KIF26B: variants seen among roughly 807,000 people sequenced by gnomAD.
KIF26B encodes the protein kinesin family member 26B.
A neutral mutation model predicts 151.2 loss-of-function variants in KIF26B; 63 were observed. The ratio of observed to expected loss-of-function variants is 0.42; its 90% CI spans 0.34 to 0.51. The LOEUF is 0.51. Among genes scored for constraint, KIF26B ranks in the 20% least tolerant of loss-of-function variants. The pLI is 0.07. For missense variants in KIF26B, 2,813 were observed against 2,913.6 expected, an observed-to-expected ratio of 0.97 and a Z score of 0.79; for synonymous variants, 1,357 against 1,262.1, an observed-to-expected ratio of 1.08 and a Z score of -1.59.
chr1:245,223,674 A>G (rs961801616), intron 2 of KIF26B, among the ~76,000 whole-genome samples: 1 of 152,238 alleles, frequency 6.6e-6, no homozygotes, highest in African/African-American at 2.4e-5. Flanking sequence ...TCCATAGCAC[A>G]GCAGTTCTGC....
chr1:245,282,251 G>GT (rs747826733), intron 2 of KIF26B, among the ~76,000 whole-genome samples: 89 of 152,144 alleles, frequency 5.8e-4, no homozygotes, highest in Non-Finnish European at 2.9e-4. Context: ...CTACTTTAAA[G>GT]TTCATATGGA....
intron 4 of KIF26B, among the ~76,000 whole-genome samples, chr1:245,469,994 G>T (rs1659875707): frequency 6.6e-6 from 1 of 151,902 alleles, no homozygotes; most frequent in Non-Finnish European, 1.5e-5. Context: ...GATCAGAGTT[G>T]GTTGGCGGGA....
At chr1:245,599,865 C>T (rs181008951) in intron 5 of KIF26B, among the ~76,000 whole-genome samples, 4 of 152,182 alleles carry the variant, frequency 2.6e-5, no homozygotes, top group African/African-American at 4.8e-5. Flanking sequence ...GATATACCTA[C>T]TGGTTACTGT....
intron 3 of KIF26B, among the ~76,000 whole-genome samples, chr1:245,386,520 T>C (rs979578153): frequency 9.2e-5 from 14 of 152,044 alleles, no homozygotes; most frequent in Admixed American, 6.5e-4. Flanking sequence ...GCTGCCACTA[T>C]GGAGGAGAGC....
At chr1:245,477,281 ATTTG>A (rs1007936486) in intron 4 of KIF26B, among the ~76,000 whole-genome samples, 5 of 151,576 alleles carry the variant, frequency 3.3e-5, no homozygotes, top group Admixed American at 1.3e-4. Context: ...CAGAAAATTC[ATTTG>A]TTTGTGCATT....
In KIF26B at chr1:245,705,490, G is replaced by T. The variant is rs1319233051; in HGVS notation, c.*2884G>T. 1 of 152,156 alleles carries T rather than the reference G, an allele frequency of 6.6e-6. No individual in the cohort carries two copies. Among genetic ancestry groups the T allele is most frequent in the East Asian group, 1.9e-4 (1 of 5,182 alleles). 9.4% of individuals were successfully genotyped at this position (152,156 alleles called of 1,614,324 possible). On this transcript the variant is annotated 3_prime_UTR_variant, in exon 15 of 15. Coordinates refer to ENST00000407071, the MANE Select transcript of KIF26B (RefSeq NM_018012.4). ...CCTTACCCAGTGGCCAGACATGATA[G>T]TTCCAGGTCTCCCCTTGGTTTTGGT...
chr1:245,567,395 T>C (rs1222534449), intron 5 of KIF26B, among the ~76,000 whole-genome samples: 1 of 151,946 alleles, frequency 6.6e-6, no homozygotes, highest in African/African-American at 2.4e-5. Context: ...TGCCCTAGAG[T>C]CCCACCTTCC....
At chr1:245,416,019 C>A (rs1288389568) in intron 3 of KIF26B, among the ~76,000 whole-genome samples, 17 of 150,892 alleles carry the variant, frequency 1.1e-4, no homozygotes, top group African/African-American at 4.2e-4. Context: ...GTAATCCCAG[C>A]ACTTTGGGAG....
chr1:245,668,522 G>A (rs6678276), intron 10 of KIF26B, among the ~76,000 whole-genome samples: 9,955 of 152,068 alleles, frequency 0.065, 983 homozygotes, highest in African/African-American at 0.21. Context: ...TCTGTGTAAC[G>A]TCTTTTCTCA....
intron 4 of KIF26B, among the ~76,000 whole-genome samples, chr1:245,500,042 C>T (rs912044092): frequency 1.1e-4 from 16 of 152,216 alleles, no homozygotes; most frequent in Admixed American, 2.6e-4. Context: ...AATGAGATTG[C>T]AGACAGTCCC....
chr1:245,507,475 A>G (rs1233180845), intron 4 of KIF26B, among the ~76,000 whole-genome samples: 1 of 152,280 alleles, frequency 6.6e-6, no homozygotes, highest in Non-Finnish European at 1.5e-5. Context: ...TTATACCCTC[A>G]CTGCTATCAG....
chr1:245,185,298 C>T (rs1668980884), intron 2 of KIF26B, among the ~76,000 whole-genome samples: 1 of 152,074 alleles, frequency 6.6e-6, no homozygotes, highest in Non-Finnish European at 1.5e-5. Flanking sequence ...GCCACCACAC[C>T]TGGCTAGTTT....
At chr1:245,317,022 A>T (rs1439242233) in intron 2 of KIF26B, among the ~76,000 whole-genome samples, 1 of 152,180 alleles carries the variant, frequency 6.6e-6, no homozygotes, top group African/African-American at 2.4e-5. Context: ...TACGATTTCA[A>T]CATTTCAGGG....
intron 2 of KIF26B, among the ~76,000 whole-genome samples, chr1:245,196,021 G>T (rs188145579): frequency 3.9e-5 from 6 of 152,240 alleles, no homozygotes; most frequent in African/African-American, 1.4e-4. Flanking sequence ...TATCCTCGAG[G>T]TCCTTCAGGA....
intron 10 of KIF26B, among the ~76,000 whole-genome samples, chr1:245,677,688 G>A (rs929869852): frequency 6.6e-6 from 1 of 152,208 alleles, no homozygotes; most frequent in Non-Finnish European, 1.5e-5. Context: ...GAGGGGAGGC[G>A]TCCAAAGTCT....
intron 2 of KIF26B, among the ~76,000 whole-genome samples, chr1:245,345,918 T>C: frequency 6.9e-6 from 1 of 144,238 alleles, no homozygotes; most frequent in African/African-American, 2.9e-5. Context: ...CAGGTATTTC[T>C]TTTTCTTTCT....
intron 2 of KIF26B, among the ~76,000 whole-genome samples, chr1:245,357,567 C>T (rs142312463): frequency 6.6e-6 from 1 of 152,130 alleles, no homozygotes; most frequent in Non-Finnish European, 1.5e-5. Context: ...ACATTTAAAG[C>T]GTACACTTTG....
intron 4 of KIF26B, among the ~76,000 whole-genome samples, chr1:245,485,821 G>A (rs1413184980): frequency 1.3e-5 from 2 of 152,350 alleles, no homozygotes; most frequent in Middle Eastern, 3.4e-3. Context: ...GGCACACGGT[G>A]CCCTTTCACA....
Position 245,685,608 on chromosome 1 carries a change from C to A in KIF26B, c.2625C>A (p.Leu875=). Residue 875 remains leucine, a synonymous_variant, in exon 12 of 15, where the codon CTC becomes CTA. Coordinates refer to ENST00000407071, the MANE Select transcript of KIF26B (RefSeq NM_018012.4). The part of the protein sequence containing the change: ...VIYIGPNGTA[L]SDKELTDNEG... ...ACATCGGGCCCAACGGCACGGCCCT[C>A]TCTGACAAGGAGCTCACCGACAACG... 6.2e-7 allele frequency: 1 copy of A among 1,613,794 alleles called. No individual in the cohort carries two copies. Among genetic ancestry groups the A allele is most frequent in the Non-Finnish European group, 8.5e-7 (1 of 1,179,890 alleles).
Sources: allele counts gnomAD v4.1 joint callset (sites outside exome capture counted in the v4.1 genomes callset), GRCh38; gene constraint gnomAD v4.1.1; transcripts MANE v1.5; gene names NCBI Gene and HGNC (gene_info 2026-07-23, HGNC 2026-07-21).